Variants in TENM2 observed in about 807,000 individuals in gnomAD.
TENM2 encodes the protein teneurin-2.
TENM2 carries 52 observed loss-of-function variants against 245.2 expected under a neutral mutation model. The observed-to-expected ratio is 0.21, with a 90% CI of 0.17 to 0.27. The LOEUF is 0.27. TENM2 is among the 10% of genes least tolerant of loss of function. The pLI is 1.00. For missense variants in TENM2, 3,046 were observed against 3,666.8 expected, an observed-to-expected ratio of 0.83 and a Z score of 4.37; for synonymous variants, 1,363 against 1,438.9, an observed-to-expected ratio of 0.95 and a Z score of 1.19.
At chr5:167,879,673 T>G (rs1451651856) in intron 3 of TENM2, among the ~76,000 whole-genome samples, 1 of 151,894 alleles carries the variant, frequency 6.6e-6, no homozygotes, top group Non-Finnish European at 1.5e-5. Context: ...AACATTGAGG[T>G]TTTTTTTAAA....
intron 9 of TENM2, among the ~76,000 whole-genome samples, chr5:168,110,634 G>A (rs984064275): frequency 1.3e-5 from 2 of 152,158 alleles, no homozygotes; most frequent in African/African-American, 2.4e-5. Flanking sequence ...ATGCTTGCGG[G>A]TAATAGGACA....
chr5:168,034,045 G>GTGTATATATATATATATATA (rs1458716217), intron 5 of TENM2, among the ~76,000 whole-genome samples: 51 of 137,050 alleles, frequency 3.7e-4, no homozygotes, highest in Admixed American at 8.8e-4. Flanking sequence ...ATATATATGT[G>GTGTATATATATATATATATA]TGTGTATATA....
intron 1 of TENM2, among the ~76,000 whole-genome samples, chr5:167,358,644 G>C (rs1759499425): frequency 6.6e-6 from 1 of 150,982 alleles, no homozygotes; most frequent in Non-Finnish European, 1.5e-5. Context: ...ATTTTCTCCA[G>C]TTCCACAATG....
At chr5:167,142,534 T>C in the TENM2 span, among the ~76,000 whole-genome samples, 2 of 151,988 alleles carry the variant, frequency 1.3e-5, no homozygotes, top group African/African-American at 4.8e-5. Context: ...ATTCAATCTC[T>C]CTCTATGTAT....
chr5:168,022,783 A>G (rs527358611), intron 5 of TENM2, among the ~76,000 whole-genome samples: 3 of 152,322 alleles, frequency 2.0e-5, no homozygotes, highest in African/African-American at 7.2e-5. Flanking sequence ...CAGTGGTTAC[A>G]GAACAACTTT....
intron 2 of TENM2, among the ~76,000 whole-genome samples, chr5:167,448,144 C>A (rs559535561): frequency 6.6e-6 from 1 of 152,124 alleles, no homozygotes; most frequent in African/African-American, 2.4e-5. Context: ...ATGGCAAAAT[C>A]GCTGCTTATA....
chr5:168,088,853 C>T (rs1333713145), intron 7 of TENM2, among the ~76,000 whole-genome samples: 13 of 152,124 alleles, frequency 8.5e-5, no homozygotes, highest in Non-Finnish European at 1.2e-4. Flanking sequence ...ATTCTGACGA[C>T]GGGAAAGGCA....
chr5:168,255,371 G>A (rs2152709266), intron 27 of TENM2, among the ~76,000 whole-genome samples: 1 of 151,952 alleles, frequency 6.6e-6, no homozygotes, highest in East Asian at 1.9e-4. Context: ...GCACGGTCTT[G>A]GCTCACTGCA....
Position 168,218,646 on chromosome 5 carries a change from T to A in TENM2, c.4755T>A (p.Ala1585=), listed in dbSNP as rs1021292703. The A allele has an allele frequency of 1.2e-6, 2 of 1,613,914 alleles. No homozygotes were observed. Among genetic ancestry groups the A allele is most frequent in the African/African-American group, 2.7e-5 (2 of 74,940 alleles). ...TTAATGCCTTCAACCAGTATGAGGC[T>A]GCATCCCCCGGAGAGCAGGAGTTAT... The change falls in exon 23 of 29, where the codon GCT becomes GCA. Residue 1585 remains alanine, a synonymous_variant. Coordinates refer to ENST00000518659, the Ensembl canonical transcript of TENM2. The surrounding 1 kb of genome is among the most constrained non-coding windows in gnomAD (Gnocchi z 5.2).
intron 2 of TENM2, among the ~76,000 whole-genome samples, chr5:167,718,177 C>T (rs891514260): frequency 3.3e-5 from 5 of 152,194 alleles, no homozygotes; most frequent in African/African-American, 1.2e-4. Flanking sequence ...CTCGGGGGAT[C>T]TATCACCCAA....
chr5:167,002,430 C>T, the TENM2 span, among the ~76,000 whole-genome samples: 1 of 152,072 alleles, frequency 6.6e-6, no homozygotes, highest in Non-Finnish European at 1.5e-5. Context: ...ATAAAAGTCT[C>T]ATCTTGAGAA....
At chr5:167,167,621 T>A in the TENM2 span, among the ~76,000 whole-genome samples, 3 of 152,326 alleles carry the variant, frequency 2.0e-5, no homozygotes, top group African/African-American at 7.2e-5. Flanking sequence ...CTAGGCAGAA[T>A]GAAGACTGTC....
chr5:167,947,626 C>G (rs1361688777), intron 3 of TENM2, among the ~76,000 whole-genome samples: 1 of 152,156 alleles, frequency 6.6e-6, no homozygotes, highest in East Asian at 1.9e-4. Context: ...TGTCCTGGTG[C>G]CAGTTATCAT....
chr5:168,214,845 TAAGTCC>T lies in TENM2; in HGVS notation c.3846-192_3846-187del, dbSNP rs541283061. On this transcript the variant is annotated intron_variant, in intron 20 of 28. Transcript: ENST00000518659. ...GAATTTTCTAATAGCATAAGAAGCATAAGTCCAATTAGAAGTAGCTAAGAACCATGA... is the reference window on the plus strand; with the variant it reads ...GAATTTTCTAATAGCATAAGAAGCATAATTAGAAGTAGCTAAGAACCATGA... The T allele has an allele frequency of 1.2e-3, 832 of 680,138 alleles. 6 individuals carry two copies. In the African/African-American group the frequency reaches 0.013, roughly 11 times the overall value. 42.1% of individuals were successfully genotyped at this position (680,138 alleles called of 1,614,324 possible).
intron 5 of TENM2, among the ~76,000 whole-genome samples, chr5:168,034,105 G>GTGTATATA: frequency 8.2e-6 from 1 of 122,448 alleles, no homozygotes. Context: ...ATATATATAT[G>GTGTATATA]TATACATATA....
chr5:167,631,780 C>T (rs1409544836), intron 2 of TENM2, among the ~76,000 whole-genome samples: 1 of 152,132 alleles, frequency 6.6e-6, no homozygotes, highest in Non-Finnish European at 1.5e-5. Flanking sequence ...CTCCCTGACC[C>T]CTCGACTCCC....
intron 2 of TENM2, among the ~76,000 whole-genome samples, chr5:167,772,127 A>G (rs1301445704): frequency 2.0e-5 from 3 of 152,118 alleles, no homozygotes; most frequent in Non-Finnish European, 4.4e-5. Context: ...AAAAGAATCC[A>G]ATCACATTTT....
chr5:168,002,398 T>C (rs1413516923), intron 5 of TENM2, among the ~76,000 whole-genome samples: 1 of 152,236 alleles, frequency 6.6e-6, no homozygotes, highest in Non-Finnish European at 1.5e-5. Flanking sequence ...CATGAGCATT[T>C]TAAAGTCACG....
At chr5:167,540,581 G>A (rs966183300) in intron 2 of TENM2, among the ~76,000 whole-genome samples, 1 of 152,152 alleles carries the variant, frequency 6.6e-6, no homozygotes, top group African/African-American at 2.4e-5. Flanking sequence ...TTGCGACAGA[G>A]ACCATATGGA....
Sources: gnomAD v4.1 joint callset for allele counts (sites outside exome capture counted in the v4.1 genomes callset) on GRCh38, gnomAD v4.1.1 for gene constraint, Gnocchi (gnomAD v3.1) non-coding constraint, MANE v1.5 for transcripts, NCBI Gene and HGNC (gene_info 2026-07-23, HGNC 2026-07-21) for gene names.